Variants in CSMD1 observed in about 807,000 individuals in gnomAD.
CSMD1 encodes CUB and Sushi multiple domains 1, also known as CUB and sushi domain-containing protein 1.
A neutral mutation model predicts 417.5 loss-of-function variants in CSMD1; 213 were observed. The observed-to-expected ratio is 0.51, with a 90% confidence interval of 0.46 to 0.57. CSMD1 has a LOEUF of 0.57. Among genes scored for constraint, CSMD1 ranks in the 20% least tolerant of loss-of-function variants. The pLI, the probability that CSMD1 is intolerant of heterozygous loss-of-function variation, is 0.00. For synonymous variants in CSMD1, 2,862 were observed against 1,736.8 expected, an observed-to-expected ratio of 1.65 and a Z score of -16.11; for missense variants, 6,923 against 4,529.7, an observed-to-expected ratio of 1.53 and a Z score of -15.17.
intron 1 of CSMD1, among the ~76,000 whole-genome samples, chr8:4,709,547 A>C (rs1808159724): frequency 6.6e-6 from 1 of 152,194 alleles, no homozygotes; most frequent in Non-Finnish European, 1.5e-5. Flanking sequence ...TCGAGGCTGG[A>C]GCCTCTGTCG....
rs576764085 is a variant in CSMD1, at chr8:4,759,428, G to A, written c.86-121870C>T. Among the ~76,000 whole-genome samples the A allele has an allele frequency of 7.6e-4, 116 of 152,312 alleles. No individual in the cohort carries two copies. In the South Asian group the frequency reaches 0.022, roughly 29 times the overall value. On this transcript the variant is annotated intron_variant, in intron 1 of 69. Coordinates refer to ENST00000635120, the MANE Select transcript of CSMD1 (RefSeq NM_033225.6). ...ATCTCTGAAAAAATTTTAAGTTCAA[G>A]GGTACATGTGCAGAATGTGCAGATT...
intron 2 of CSMD1, among the ~76,000 whole-genome samples, chr8:4,431,924 G>C (rs953032402): frequency 8.6e-5 from 13 of 151,890 alleles, no homozygotes; most frequent in Admixed American, 2.0e-4. Context: ...TGGGTAAATG[G>C]GAATTACTTC....
intron 3 of CSMD1, among the ~76,000 whole-genome samples, chr8:4,316,522 A>G (rs1190645298): frequency 6.6e-6 from 1 of 152,152 alleles, no homozygotes; most frequent in Non-Finnish European, 1.5e-5. Flanking sequence ...CTATTATTCC[A>G]TAATAGATTT....
Position 3,932,953 on chromosome 8 carries a change from AT to A in CSMD1, c.818+64949del, listed in dbSNP as rs2129669661. ...AAATCTTTTTTAAAAGTGTATGTGA[AT>A]TTTTAAATTTTTTGCTTTCTAATAT... is the stretch of plus-strand genomic sequence containing the variant. On this transcript the variant is annotated intron_variant, in intron 5 of 69. Transcript: ENST00000635120. 1.3e-5 allele frequency among the ~76,000 whole-genome samples: 2 copies of A among 150,228 alleles called. 1 individual carries two copies. The highest frequency in any genetic ancestry group is 4.9e-5 in the African/African-American group (2 of 40,822).
intron 2 of CSMD1, among the ~76,000 whole-genome samples, chr8:4,486,244 TACATAC>T (rs1310382135): frequency 4.9e-5 from 2 of 40,550 alleles, no homozygotes; most frequent in African/African-American, 1.4e-4. Flanking sequence ...TATATATATA[TACATAC>T]ATATATATAT....
chr8:4,663,180 T>C (rs955143948), intron 1 of CSMD1, among the ~76,000 whole-genome samples: 1 of 152,182 alleles, frequency 6.6e-6, no homozygotes, highest in Admixed American at 6.5e-5. Flanking sequence ...AGCTGGGAAG[T>C]GCTGGTTCTC....
chr8:4,623,760 A>AC (rs1801922177), intron 2 of CSMD1, among the ~76,000 whole-genome samples: 1 of 152,026 alleles, frequency 6.6e-6, no homozygotes, highest in African/African-American at 2.4e-5. Context: ...TATTTCATAT[A>AC]ATTTGGCATA....
At chr8:4,141,537 A>G (rs1803790109) in intron 3 of CSMD1, among the ~76,000 whole-genome samples, 2 of 151,156 alleles carry the variant, frequency 1.3e-5, no homozygotes, top group Non-Finnish European at 2.9e-5. Flanking sequence ...CACATGTACA[A>G]ACAAAGGGGT....
chr8:3,580,081 G>C (rs1800318170), intron 9 of CSMD1, among the ~76,000 whole-genome samples: 9 of 152,076 alleles, frequency 5.9e-5, no homozygotes, highest in Admixed American at 5.9e-4. Context: ...TACAGCCTGT[G>C]TGACAGAGGG....
At chr8:4,102,301 C>G (rs572837939) in intron 3 of CSMD1, among the ~76,000 whole-genome samples, 27 of 152,230 alleles carry the variant, frequency 1.8e-4, no homozygotes, top group African/African-American at 5.8e-4. Context: ...AAATCATGAT[C>G]TTAGCTTTTT....
chr8:3,594,316 A>C (rs1800993126), intron 8 of CSMD1, among the ~76,000 whole-genome samples: 1 of 152,222 alleles, frequency 6.6e-6, no homozygotes, highest in Non-Finnish European at 1.5e-5. Flanking sequence ...GGGAATATTA[A>C]CAAAAAAGAA....
intron 1 of CSMD1, among the ~76,000 whole-genome samples, chr8:4,661,095 A>C (rs1480986960): frequency 6.6e-6 from 1 of 152,176 alleles, no homozygotes; most frequent in Non-Finnish European, 1.5e-5. Context: ...ACTATCATAC[A>C]ACCTACCAAT....
intron 1 of CSMD1, among the ~76,000 whole-genome samples, chr8:4,829,895 A>ATAGG (rs1158287484): frequency 6.6e-6 from 1 of 152,190 alleles, no homozygotes; most frequent in Non-Finnish European, 1.5e-5. Flanking sequence ...ATGAGTCCTT[A>ATAGG]TAGGTAATGC....
intron 1 of CSMD1, among the ~76,000 whole-genome samples, chr8:4,801,330 G>T (rs892633201): frequency 3.9e-5 from 6 of 152,150 alleles, no homozygotes; most frequent in Non-Finnish European, 7.4e-5. Context: ...AGTGGAAGAT[G>T]TGAGCTATAA....
chr8:4,612,536 C>T (rs983330585), intron 2 of CSMD1, among the ~76,000 whole-genome samples: 4 of 152,112 alleles, frequency 2.6e-5, no homozygotes, highest in African/African-American at 9.7e-5. Context: ...GCATTTTAAG[C>T]TTTCTCCACA....
Position 3,183,218 on chromosome 8 carries a change from T to C in CSMD1, c.5621-2004A>G, listed in dbSNP as rs546870978. 2.7e-5 allele frequency: 3 copies of C among 110,804 alleles called. No homozygotes were observed. In the East Asian group the frequency reaches 7.1e-4, roughly 26 times the overall value. 6.9% of individuals were successfully genotyped at this position (110,804 alleles called of 1,614,324 possible). On this transcript the variant is annotated intron_variant, in intron 36 of 69. Coordinates refer to ENST00000635120, the MANE Select transcript of CSMD1 (RefSeq NM_033225.6). The stretch of plus-strand genomic sequence containing the variant: ...CTATCCCTGAAATATCGAGTAGGTC[T>C]CTAACGTTTCTTAACGATACCATCG...
chr8:3,415,003 G>A (rs1384641720), intron 12 of CSMD1, among the ~76,000 whole-genome samples: 1 of 152,172 alleles, frequency 6.6e-6, no homozygotes, highest in East Asian at 1.9e-4. Flanking sequence ...CTATCTTGGT[G>A]ATTGTTAAAT....
chr8:3,051,952 C>T (rs1811848635), intron 50 of CSMD1, among the ~76,000 whole-genome samples: 1 of 152,166 alleles, frequency 6.6e-6, no homozygotes, highest in African/African-American at 2.4e-5. Flanking sequence ...TTCTCGAAAA[C>T]TTACCCCACT....
chr8:3,664,723 A>T (rs2117477230), intron 7 of CSMD1, among the ~76,000 whole-genome samples: 1 of 152,336 alleles, frequency 6.6e-6, no homozygotes, highest in East Asian at 1.9e-4. Context: ...ATGTTGAATA[A>T]AAATATCTAA....
Sources: allele counts gnomAD v4.1 joint callset (sites outside exome capture counted in the v4.1 genomes callset), GRCh38; gene constraint gnomAD v4.1.1; transcripts MANE v1.5; gene names NCBI Gene and HGNC (gene_info 2026-07-23, HGNC 2026-07-21).